Variants in NLGN4X observed in about 807,000 individuals in gnomAD.
The protein encoded by NLGN4X is neuroligin-4, X-linked.
Under a neutral mutation model 40.3 loss-of-function variants are expected in NLGN4X, and 3 were observed. The ratio of observed to expected loss-of-function variants is 0.07; its 90% CI spans 0.03 to 0.19. NLGN4X has a LOEUF of 0.19. Ranked by LOEUF, NLGN4X falls within the 10% of genes least tolerant of loss-of-function variation. The pLI is 1.00. For synonymous variants in NLGN4X, 270 were observed against 306.8 expected (o/e 0.88, Z 1.25); for missense variants, 382 against 708.3 (o/e 0.54, Z 5.23).
chrX:6,223,864 T>C (rs1301203010), intron 1 of NLGN4X, among the ~76,000 whole-genome samples: 1 of 112,893 alleles, frequency 8.9e-6, no homozygotes, highest in Non-Finnish European at 1.9e-5. Context: ...CATAATTAAA[T>C]AGGAGACGAA....
chrX:5,960,272 A>C (rs1325436398), intron 3 of NLGN4X, among the ~76,000 whole-genome samples: 32 of 108,858 alleles, frequency 2.9e-4, no homozygotes, highest in African/African-American at 1.1e-3. Context: ...AAAAAAAAAA[A>C]CACTAAAAAG....
intron 3 of NLGN4X, among the ~76,000 whole-genome samples, chrX:5,989,947 C>T (rs763532837): frequency 1.2e-4 from 13 of 111,181 alleles, no homozygotes; most frequent in Admixed American, 2.9e-4. Context: ...TCTAATAAAA[C>T]GTTACGTGAA....
chrX:6,046,610 TAAA>T (rs2037324329), intron 2 of NLGN4X, among the ~76,000 whole-genome samples: 1 of 111,470 alleles, frequency 9.0e-6, no homozygotes, highest in African/African-American at 3.2e-5. Context: ...TATTTATTAA[TAAA>T]GAAGGCATTT....
chrX:5,926,108 G>A (rs1343988646), intron 3 of NLGN4X, among the ~76,000 whole-genome samples: 1 of 103,451 alleles, frequency 9.7e-6, no homozygotes, highest in Non-Finnish European at 2.0e-5. Context: ...TGGTGTTCTC[G>A]TGGTAGTGAG....
chrX:6,164,021 A>G (rs1476570541), intron 1 of NLGN4X, among the ~76,000 whole-genome samples: 1 of 112,997 alleles, frequency 8.8e-6, no homozygotes, highest in Admixed American at 9.3e-5. Flanking sequence ...GGGTACCACA[A>G]CCACAGAAGA....
intron 1 of NLGN4X, among the ~76,000 whole-genome samples, chrX:6,190,140 T>C (rs1323827665): frequency 1.8e-5 from 2 of 110,666 alleles, no homozygotes; most frequent in African/African-American, 6.6e-5. Flanking sequence ...CTTTATAAAT[T>C]ACAAATTATC....
intron 5 of NLGN4X, among the ~76,000 whole-genome samples, chrX:5,901,421 G>C (rs1409869068): frequency 9.0e-6 from 1 of 111,583 alleles, no homozygotes; most frequent in Non-Finnish European, 1.9e-5. Flanking sequence ...CACACTGGTA[G>C]AACAGAATGA....
In NLGN4X at chrX:6,030,136, CT is replaced by C. The variant is rs1468469236; in HGVS notation, c.473-705del. Among the ~76,000 whole-genome samples the C allele has an allele frequency of 1.8e-4, 20 of 111,990 alleles. No individual in the cohort carries two copies. In the Middle Eastern group the frequency reaches 0.014, roughly 77 times the overall value. On this transcript the variant is annotated intron_variant, in intron 2 of 5. Transcript: ENST00000381095. ...ATAAAAAATGGCAAAAGAATCCAAA[CT>C]ATTTAAATGCTTTATATTTTCACAG...
chrX:5,944,522 C>G (rs1397000604), intron 3 of NLGN4X, among the ~76,000 whole-genome samples: 2 of 108,165 alleles, frequency 1.8e-5, no homozygotes, highest in East Asian at 5.8e-4. Context: ...GGTGGCATAC[C>G]CCTGTATTCC....
chrX:5,899,942 G>GT (rs1313464833), intron 5 of NLGN4X, among the ~76,000 whole-genome samples: 1 of 112,140 alleles, frequency 8.9e-6, no homozygotes, highest in Non-Finnish European at 1.9e-5. Flanking sequence ...TAAAGAGAGT[G>GT]TTTGCAGACC....
chrX:6,024,322 C>T (rs2036628980), intron 3 of NLGN4X, among the ~76,000 whole-genome samples: 1 of 111,444 alleles, frequency 9.0e-6, no homozygotes, highest in Non-Finnish European at 1.9e-5. Flanking sequence ...GGCTTCTGAG[C>T]AGATAGGAAC....
At chrX:6,014,200 A>G (rs1004039946) in intron 3 of NLGN4X, among the ~76,000 whole-genome samples, 3 of 111,009 alleles carry the variant, frequency 2.7e-5, no homozygotes, top group Non-Finnish European at 5.7e-5. Context: ...AAAAAAAAAA[A>G]AAGTGAGGAT....
intron 1 of NLGN4X, among the ~76,000 whole-genome samples, chrX:6,223,413 T>G: frequency 8.9e-6 from 1 of 112,207 alleles, no homozygotes; most frequent in Admixed American, 9.5e-5. Context: ...TTTTATTTAC[T>G]TATTTTTTGT....
intron 1 of NLGN4X, among the ~76,000 whole-genome samples, chrX:6,156,436 G>A (rs1231516395): frequency 9.0e-6 from 1 of 111,619 alleles, no homozygotes; most frequent in East Asian, 2.8e-4. Flanking sequence ...GTGAACCCAG[G>A]AGGCGGAGCT....
At chrX:6,067,591 T>C (rs1010844871) in intron 2 of NLGN4X, among the ~76,000 whole-genome samples, 7 of 111,824 alleles carry the variant, frequency 6.3e-5, no homozygotes, top group Non-Finnish European at 1.1e-4. Context: ...TACCCGGTCA[T>C]GGCATGTTTC....
chrX:6,115,459 CCT>C (rs1288346223), intron 2 of NLGN4X, among the ~76,000 whole-genome samples: 1 of 111,199 alleles, frequency 9.0e-6, no homozygotes, highest in Non-Finnish European at 1.9e-5. Flanking sequence ...AAAATATGCC[CCT>C]GTTCTCAGGG....
intron 2 of NLGN4X, among the ~76,000 whole-genome samples, chrX:6,109,004 G>T (rs2039089660): frequency 1.8e-5 from 2 of 112,191 alleles, no homozygotes; most frequent in South Asian, 7.5e-4. Context: ...GCTGGCACCT[G>T]TAATCCCAGC....
intron 3 of NLGN4X, among the ~76,000 whole-genome samples, chrX:6,003,024 T>C (rs149020003): frequency 0.014 from 1,514 of 111,525 alleles, 10 homozygotes; most frequent in Non-Finnish European, 0.021. Context: ...CCCCTGCATT[T>C]ACCATCTTCA....
intron 2 of NLGN4X, among the ~76,000 whole-genome samples, chrX:6,108,558 A>T (rs2039081109): frequency 9.0e-6 from 1 of 110,840 alleles, no homozygotes; most frequent in South Asian, 3.9e-4. Flanking sequence ...GTGCATATGT[A>T]GTACCAGCTA....
Sources: gnomAD v4.1 joint callset for allele counts (sites outside exome capture counted in the v4.1 genomes callset) on GRCh38, gnomAD v4.1.1 for gene constraint, MANE v1.5 for transcripts, NCBI Gene and HGNC (gene_info 2026-07-23, HGNC 2026-07-21) for gene names.